Variants in COL26A1 observed in about 807,000 individuals in gnomAD.
The protein encoded by COL26A1 is collagen type XXVI alpha 1 chain.
COL26A1 carries 41 observed loss-of-function variants against 59.3 expected under a neutral mutation model. The observed-to-expected ratio is 0.69, with a 90% CI of 0.54 to 0.90. COL26A1 has a LOEUF of 0.90. Among genes scored for constraint, COL26A1 ranks in the 40% least tolerant of loss-of-function variants. The pLI, the probability that COL26A1 is intolerant of heterozygous loss-of-function variation, is 0.00. For synonymous variants in COL26A1, 266 were observed against 256.0 expected, an observed-to-expected ratio of 1.04 and a Z score of -0.37; for missense variants, 612 against 602.3, an observed-to-expected ratio of 1.02 and a Z score of -0.17.
At chr7:101,517,987 A>G (rs1795066484) in intron 3 of COL26A1, among the ~76,000 whole-genome samples, 1 of 151,640 alleles carries the variant, frequency 6.6e-6, no homozygotes, top group Non-Finnish European at 1.5e-5. Flanking sequence ...GCTTGTTCTA[A>G]AAAACTTTGA....
intron 5 of COL26A1, among the ~76,000 whole-genome samples, chr7:101,542,355 G>A (rs1168244468): frequency 2.6e-5 from 4 of 152,064 alleles, no homozygotes; most frequent in South Asian, 2.1e-4. Flanking sequence ...CACCCGCCTC[G>A]GCCTCCAAAG....
At chr7:101,446,350 C>G (rs1477347674) in intron 2 of COL26A1, among the ~76,000 whole-genome samples, 1 of 152,182 alleles carries the variant, frequency 6.6e-6, no homozygotes, top group Non-Finnish European at 1.5e-5. Context: ...GTTTACCTCC[C>G]TCTTAGAGAA....
chr7:101,364,423 C>T (rs1178705808), intron 1 of COL26A1, among the ~76,000 whole-genome samples: 1 of 152,110 alleles, frequency 6.6e-6, no homozygotes, highest in Non-Finnish European at 1.5e-5. Context: ...GATCCTCCCG[C>T]CTTGGCCTCC....
intron 1 of COL26A1, among the ~76,000 whole-genome samples, chr7:101,413,755 C>G (rs1483175001): frequency 6.6e-6 from 1 of 152,120 alleles, no homozygotes; most frequent in African/African-American, 2.4e-5. Flanking sequence ...CTGATGGAGG[C>G]TGCCGGGAGT....
chr7:101,489,689 CTTTCTTTCTGT>C (rs1794361844), intron 3 of COL26A1, among the ~76,000 whole-genome samples: 1 of 9,858 alleles, frequency 1.0e-4, no homozygotes, highest in Admixed American at 1.4e-3. Context: ...TCCTTTCTTT[CTTTCTTTCTGT>C]CTTTCTTTCT....
At chr7:101,362,862 G>A, upstream of COL26A1, 1 of 616,738 alleles carries the variant, frequency 1.6e-6, no homozygotes. Context: ...GGCGGCCCCG[G>A]AGAGGCGTGG....
At chr7:101,474,176 A>C (rs1481032171) in intron 3 of COL26A1, among the ~76,000 whole-genome samples, 2 of 152,214 alleles carry the variant, frequency 1.3e-5, no homozygotes, top group East Asian at 1.9e-4. Flanking sequence ...AGATGGGGTC[A>C]GGTGGTTAAG....
At chr7:101,459,225 G>T (rs1280896401) in intron 3 of COL26A1, among the ~76,000 whole-genome samples, 1 of 152,278 alleles carries the variant, frequency 6.6e-6, no homozygotes, top group South Asian at 2.1e-4. Context: ...GGACAGGGCC[G>T]CTAGTCTCTG....
chr7:101,438,647 C>T (rs912438152), intron 2 of COL26A1, among the ~76,000 whole-genome samples: 1 of 151,438 alleles, frequency 6.6e-6, no homozygotes, highest in Non-Finnish European at 1.5e-5. Flanking sequence ...TCAGTGGCTA[C>T]AGCCCCCTTA....
At chr7:101,483,990 A>AGTGTGTGTGTGT (rs55863250) in intron 3 of COL26A1, among the ~76,000 whole-genome samples, 4,981 of 127,900 alleles carry the variant, frequency 0.039, 150 homozygotes, top group Non-Finnish European at 0.044. Context: ...AACTTTTTAA[A>AGTGTGTGTGTGT]GTGTGTGTGT....
At chr7:101,514,912 C>CA (rs1794998498) in intron 3 of COL26A1, among the ~76,000 whole-genome samples, 1 of 152,212 alleles carries the variant, frequency 6.6e-6, no homozygotes, top group Non-Finnish European at 1.5e-5. Context: ...TGCTCCAGCC[C>CA]AGCTGTGAGC....
At chr7:101,541,141 A>G (rs535535606) in intron 5 of COL26A1, among the ~76,000 whole-genome samples, 2 of 152,228 alleles carry the variant, frequency 1.3e-5, no homozygotes, top group South Asian at 2.1e-4. Flanking sequence ...TACTGTCTTC[A>G]GTATCTGCCC....
In COL26A1 at chr7:101,480,813, C is replaced by G. The variant is rs537029756; in HGVS notation, c.385+33026C>G. ...CCACTGTACCTGGCCTTCCCTGGTG[C>G]TTTTATTTCCTCTCTCATTGTTGCT... On this transcript the variant is annotated intron_variant, in intron 3 of 12. Coordinates refer to ENST00000313669, the MANE Select transcript of COL26A1 (RefSeq NM_001278563.3). Among the ~76,000 whole-genome samples, 3 of 152,162 alleles carry G rather than the reference C, an allele frequency of 2.0e-5. No homozygotes were observed. The East Asian group carries it at 5.8e-4, about 29-fold the overall frequency.
chr7:101,471,699 C>G (rs1207415231), intron 3 of COL26A1, among the ~76,000 whole-genome samples: 1 of 150,150 alleles, frequency 6.7e-6, no homozygotes, highest in Non-Finnish European at 1.5e-5. Flanking sequence ...CCTGCCTCAG[C>G]CTTCAGAGTA....
chr7:101,488,717 C>T (rs1362125402), intron 3 of COL26A1, among the ~76,000 whole-genome samples: 1 of 152,094 alleles, frequency 6.6e-6, no homozygotes, highest in Non-Finnish European at 1.5e-5. Flanking sequence ...TGTTAGGTAC[C>T]GTCACACTGT....
chr7:101,392,490 C>A (rs1387626689), intron 1 of COL26A1, among the ~76,000 whole-genome samples: 1 of 150,380 alleles, frequency 6.6e-6, no homozygotes, highest in Non-Finnish European at 1.5e-5. Context: ...CAACCTCCGC[C>A]TCCCGGGTTC....
At chr7:101,377,034 T>C (rs886275790) in intron 1 of COL26A1, among the ~76,000 whole-genome samples, 3 of 152,000 alleles carry the variant, frequency 2.0e-5, no homozygotes, top group African/African-American at 4.8e-5. Flanking sequence ...AACTGTTGTA[T>C]GTTTAGTAGA....
intron 3 of COL26A1, among the ~76,000 whole-genome samples, chr7:101,524,201 G>A (rs1026803172): frequency 6.6e-6 from 1 of 151,686 alleles, no homozygotes; most frequent in Non-Finnish European, 1.5e-5. Context: ...AACCCAGGAG[G>A]CAGAGGTTGC....
chr7:101,483,030 A>T (rs1163961430), intron 3 of COL26A1, among the ~76,000 whole-genome samples: 1 of 152,128 alleles, frequency 6.6e-6, no homozygotes, highest in Non-Finnish European at 1.5e-5. Context: ...ATGCCTGGGA[A>T]GTTGCGTGTG....
Sources: allele counts gnomAD v4.1 joint callset (sites outside exome capture counted in the v4.1 genomes callset), GRCh38; gene constraint gnomAD v4.1.1; transcripts MANE v1.5; gene names NCBI Gene and HGNC (gene_info 2026-07-23, HGNC 2026-07-21).